LHFPL3: variants seen among roughly 807,000 people sequenced by gnomAD.
LHFPL3 encodes the protein LHFPL tetraspan subfamily member 3.
Under a neutral mutation model 19.3 loss-of-function variants are expected in LHFPL3, and 5 were observed. That is an observed-to-expected ratio of 0.26 (90% CI 0.14 to 0.54). LHFPL3 has a LOEUF of 0.54. LHFPL3 is among the 20% of genes least tolerant of loss of function. The pLI is 0.94. For missense variants in LHFPL3, 249 were observed against 307.4 expected (o/e 0.81, Z 1.42); for synonymous variants, 133 against 126.2 (o/e 1.05, Z -0.36).
chr7:104,347,901 A>C (rs1008512282), intron 1 of LHFPL3, among the ~76,000 whole-genome samples: 1 of 151,280 alleles, frequency 6.6e-6, no homozygotes, highest in Non-Finnish European at 1.5e-5. Flanking sequence ...AAAAAAAAAA[A>C]ACAAAATAAA....
intron 1 of LHFPL3, among the ~76,000 whole-genome samples, chr7:104,621,164 G>C (rs1392092795): frequency 2.0e-5 from 3 of 152,102 alleles, no homozygotes; most frequent in African/African-American, 7.2e-5. Context: ...CACTCATAAT[G>C]CCATAAGCCC....
intron 1 of LHFPL3, among the ~76,000 whole-genome samples, chr7:104,386,465 G>T (rs1209460008): frequency 6.6e-6 from 1 of 152,196 alleles, no homozygotes; most frequent in Non-Finnish European, 1.5e-5. Flanking sequence ...AAAGGAAGAT[G>T]AGAGGAACAA....
intron 1 of LHFPL3, among the ~76,000 whole-genome samples, chr7:104,512,142 A>C (rs1793828843): frequency 6.6e-6 from 1 of 151,564 alleles, no homozygotes; most frequent in South Asian, 2.1e-4. Context: ...TTTACTAGAG[A>C]CAGGGTTTCA....
chr7:104,446,636 C>T (rs566048445), intron 1 of LHFPL3, among the ~76,000 whole-genome samples: 22 of 152,242 alleles, frequency 1.4e-4, no homozygotes, highest in Admixed American at 5.9e-4. Context: ...AGTGCAGTGG[C>T]ATGACCTTGG....
At chr7:104,522,066 T>C (rs1428579465) in intron 1 of LHFPL3, among the ~76,000 whole-genome samples, 1 of 152,056 alleles carries the variant, frequency 6.6e-6, no homozygotes, top group African/African-American at 2.4e-5. Flanking sequence ...TAAATCATGC[T>C]GCTATAAAGA....
At chr7:104,411,570 T>C (rs1212985897) in intron 1 of LHFPL3, among the ~76,000 whole-genome samples, 1 of 152,186 alleles carries the variant, frequency 6.6e-6, no homozygotes, top group Non-Finnish European at 1.5e-5. Flanking sequence ...GATTAAAACT[T>C]AGAAGTAGCA....
At chr7:104,685,564 C>T (rs991656732) in intron 1 of LHFPL3, among the ~76,000 whole-genome samples, 1 of 152,090 alleles carries the variant, frequency 6.6e-6, no homozygotes, top group African/African-American at 2.4e-5. Context: ...CTCAATGAGC[C>T]AGATTTTTGA....
intron 1 of LHFPL3, among the ~76,000 whole-genome samples, chr7:104,564,707 G>C (rs975956677): frequency 1.3e-5 from 2 of 152,184 alleles, no homozygotes; most frequent in Non-Finnish European, 2.9e-5. Flanking sequence ...GCTTTGGAAG[G>C]CAGTGGAAAG....
chr7:104,758,706 T>A (rs993183230), intron 2 of LHFPL3, among the ~76,000 whole-genome samples: 3 of 152,134 alleles, frequency 2.0e-5, no homozygotes, highest in Admixed American at 2.0e-4. Flanking sequence ...ATGTGACTAG[T>A]TGTTTTTCTC....
intron 2 of LHFPL3, among the ~76,000 whole-genome samples, chr7:104,847,686 AT>A (rs976931707): frequency 9.8e-5 from 15 of 152,300 alleles, no homozygotes; most frequent in African/African-American, 3.4e-4. Flanking sequence ...AATGTTTTGT[AT>A]TTTTAATAGA....
chr7:104,633,486 T>C (rs1190483247), intron 1 of LHFPL3, among the ~76,000 whole-genome samples: 1 of 152,200 alleles, frequency 6.6e-6, no homozygotes, highest in Non-Finnish European at 1.5e-5. Context: ...TTCCGCAGTT[T>C]CTCATCCCCA....
Position 104,469,284 on chromosome 7 carries a change from A to G in LHFPL3, c.445+140060A>G, listed in dbSNP as rs1438192540. ...AGCTCATCAGCAGTGTGTTTTATGT[A>G]AGTGGGAAAAGGACTCTGTCACCTT... On this transcript the variant is annotated intron_variant, in intron 1 of 2. Coordinates refer to ENST00000424859, the MANE Select transcript of LHFPL3 (RefSeq NM_199000.3). Among the ~76,000 whole-genome samples the G allele has an allele frequency of 2.0e-5, 3 of 152,330 alleles. No homozygotes were observed. The East Asian group carries it at 5.8e-4, about 29-fold the overall frequency.
intron 1 of LHFPL3, among the ~76,000 whole-genome samples, chr7:104,353,718 T>C (rs1008768576): frequency 2.6e-5 from 4 of 152,206 alleles, no homozygotes; most frequent in African/African-American, 9.6e-5. Context: ...CCAAGTGATA[T>C]TAGCCATTTC....
intron 1 of LHFPL3, among the ~76,000 whole-genome samples, chr7:104,640,882 A>G (rs1193685784): frequency 6.6e-6 from 1 of 152,230 alleles, no homozygotes; most frequent in African/African-American, 2.4e-5. Flanking sequence ...CAATTAATCT[A>G]TTAATGGAGG....
chr7:104,645,138 T>C (rs1791908696), intron 1 of LHFPL3, among the ~76,000 whole-genome samples: 1 of 152,250 alleles, frequency 6.6e-6, no homozygotes, highest in Non-Finnish European at 1.5e-5. Context: ...TATGCTTTGC[T>C]TATTTCACAT....
chr7:104,346,748 C>G (rs1790074782), intron 1 of LHFPL3, among the ~76,000 whole-genome samples: 2 of 151,814 alleles, frequency 1.3e-5, no homozygotes, highest in Admixed American at 1.3e-4. Flanking sequence ...TCCTCCTGTT[C>G]TTCTTTCACT....
At chr7:104,562,843 T>G (rs1230870054) in intron 1 of LHFPL3, among the ~76,000 whole-genome samples, 1 of 150,910 alleles carries the variant, frequency 6.6e-6, no homozygotes, top group East Asian at 1.9e-4. Context: ...ATGATGGTGA[T>G]GTACAGATGG....
intron 2 of LHFPL3, among the ~76,000 whole-genome samples, chr7:104,835,153 C>A (rs1791066957): frequency 6.6e-6 from 1 of 151,856 alleles, no homozygotes; most frequent in Non-Finnish European, 1.5e-5. Context: ...TCATTTGGAC[C>A]TCAGTTTACT....
intron 1 of LHFPL3, among the ~76,000 whole-genome samples, chr7:104,659,276 C>T (rs1184796761): frequency 6.6e-6 from 1 of 152,212 alleles, no homozygotes; most frequent in African/African-American, 2.4e-5. Context: ...GTCTGTGCCC[C>T]CACAGACTGT....
Sources: allele counts gnomAD v4.1 joint callset (sites outside exome capture counted in the v4.1 genomes callset), GRCh38; gene constraint gnomAD v4.1.1; transcripts MANE v1.5; gene names NCBI Gene and HGNC (gene_info 2026-07-23, HGNC 2026-07-21).